Variants in PRSS23 observed in about 807,000 individuals in gnomAD.
PRSS23 encodes protease, serine 23.
A neutral mutation model predicts 34.7 loss-of-function variants in PRSS23; 25 were observed. The observed-to-expected ratio is 0.72, with a 90% confidence interval of 0.53 to 1.01. The LOEUF (loss-of-function observed/expected upper bound fraction) is 1.01. Among genes scored for constraint, PRSS23 ranks in the 50% least tolerant of loss-of-function variants. The probability of loss-of-function intolerance (pLI) is 0.00; values close to 1 mark genes in which losing one functional copy is unlikely to be tolerated. For synonymous variants in PRSS23, 176 were observed against 186.6 expected, an observed-to-expected ratio of 0.94 and a Z score of 0.46; for missense variants, 445 against 475.6, an observed-to-expected ratio of 0.94 and a Z score of 0.60.
At chr11:86,826,169 G>A (rs1206167327) in intron 2 of PRSS23, among the ~76,000 whole-genome samples, 1 of 151,880 alleles carries the variant, frequency 6.6e-6, no homozygotes, top group Non-Finnish European at 1.5e-5. Context: ...GCAGTGGTTT[G>A]TAGTTCTCCT....
chr11:86,895,315 C>A (rs1001495989), intron 2 of PRSS23, among the ~76,000 whole-genome samples: 1 of 151,988 alleles, frequency 6.6e-6, no homozygotes, highest in African/African-American at 2.4e-5. Flanking sequence ...TCTGCTTTCA[C>A]CTTCACTAAA....
intron 1 of PRSS23, among the ~76,000 whole-genome samples, chr11:86,820,580 AC>A (rs1185195644): frequency 2.6e-5 from 4 of 152,242 alleles, no homozygotes; most frequent in Non-Finnish European, 4.4e-5. Flanking sequence ...TTTAAGTATT[AC>A]TAACGCTTTA....
At chr11:86,814,315 C>T (rs1298765509), downstream of PRSS23, among the ~76,000 whole-genome samples, 1 of 151,508 alleles carries the variant, frequency 6.6e-6, no homozygotes, top group African/African-American at 2.4e-5. Context: ...GGACAGAGTC[C>T]CAGTCCACCA....
chr11:86,865,110 C>T (rs1948641293), intron 2 of PRSS23, among the ~76,000 whole-genome samples: 1 of 152,194 alleles, frequency 6.6e-6, no homozygotes, highest in Non-Finnish European at 1.5e-5. Flanking sequence ...AGGCATTATT[C>T]TGACTACCAC....
At chr11:86,912,344 A>G (rs117349887) in intron 2 of PRSS23, 5 of 152,198 alleles carry the variant, frequency 3.3e-5, no homozygotes, top group African/African-American at 1.2e-4. Flanking sequence ...AAGCTTTTAG[A>G]TATAATTTCT....
chr11:86,793,259 A>C (rs1947962564), intron 1 of PRSS23, among the ~76,000 whole-genome samples: 1 of 152,176 alleles, frequency 6.6e-6, no homozygotes, highest in African/African-American at 2.4e-5. Context: ...ATATTTAACT[A>C]CCTTTTTTTA....
intron 2 of PRSS23, among the ~76,000 whole-genome samples, chr11:86,840,588 C>G (rs1565362500): frequency 6.6e-6 from 1 of 152,186 alleles, no homozygotes; most frequent in Non-Finnish European, 1.5e-5. Flanking sequence ...AGGACTTGAA[C>G]TCACCTCTGG....
At chr11:86,875,620 C>G (rs1476150519) in intron 2 of PRSS23, among the ~76,000 whole-genome samples, 1 of 152,212 alleles carries the variant, frequency 6.6e-6, no homozygotes, top group Non-Finnish European at 1.5e-5. Context: ...TTTCTGCACT[C>G]TTTCTTGACT....
Position 86,870,057 on chromosome 11 carries a change from T to C in PRSS23, c.206+46464T>C, listed in dbSNP as rs147803880. Among the ~76,000 whole-genome samples the C allele has an allele frequency of 3.9e-5, 6 of 152,280 alleles. No homozygotes were observed. The East Asian group carries it at 1.2e-3, about 29-fold the overall frequency. On this transcript the variant is annotated intron_variant, in intron 2 of 2. Transcript: ENST00000533902. ...GTAAAGGGAAAAAATGAACAACCAG[T>C]GAATGACTCCGCCTGGCCTGGAAGA...
At chr11:86,852,293 G>A (rs1948536139) in intron 2 of PRSS23, among the ~76,000 whole-genome samples, 1 of 152,202 alleles carries the variant, frequency 6.6e-6, no homozygotes, top group South Asian at 2.1e-4. Context: ...TGGAGGCACA[G>A]ACTGAGTATT....
At chr11:86,912,595 T>A (rs1250067391) in intron 2 of PRSS23, among the ~76,000 whole-genome samples, 1 of 152,224 alleles carries the variant, frequency 6.6e-6, no homozygotes, top group Non-Finnish European at 1.5e-5. Flanking sequence ...TTTCTCATAT[T>A]GCATTTTTTG....
At chr11:86,914,042 T>TTA (rs1555081477) in intron 2 of PRSS23, among the ~76,000 whole-genome samples, 1 of 114,928 alleles carries the variant, frequency 8.7e-6, no homozygotes, top group African/African-American at 3.6e-5. Flanking sequence ...CCATCTCTAC[T>TTA]AAAAAAAAAA....
intron 2 of PRSS23, among the ~76,000 whole-genome samples, chr11:86,940,502 CCT>C (rs370467671): frequency 1.5e-4 from 23 of 152,302 alleles, no homozygotes; most frequent in African/African-American, 5.5e-4. Context: ...AACCGGTCTT[CCT>C]GTCTCCTGCT....
intron 2 of PRSS23, among the ~76,000 whole-genome samples, chr11:86,896,073 G>C (rs188431399): frequency 3.3e-3 from 506 of 152,168 alleles, no homozygotes; most frequent in Non-Finnish European, 4.1e-3. Context: ...ATTTTGAAAT[G>C]GGGGTCTTTT....
exon 2 of PRSS23, chr11:86,823,434 C>T (rs1359359113): frequency 8.5e-6 from 6 of 702,308 alleles, no homozygotes; most frequent in South Asian, 1.5e-5. Context: ...AGTCCTCATG[C>T]CCCCACAACT....
chr11:86,873,235 T>TATAC lies in PRSS23; in HGVS notation c.206+49643_206+49644insTACA, dbSNP rs368142419. 3.3e-4 allele frequency among the ~76,000 whole-genome samples: 45 copies of TATAC among 135,458 alleles called. No homozygotes were observed. The East Asian group carries it at 7.7e-3, about 23-fold the overall frequency. 88.9% of individuals were successfully genotyped at this position (135,458 alleles called of 152,430 possible). A position where few individuals can be genotyped will look rare whatever the true frequency, so the allele number is the denominator to read the frequency against. On this transcript the variant is annotated intron_variant, in intron 2 of 2. Transcript: ENST00000533902. Reference sequence around the variant, plus strand: ...ACACACAGATATATGTATATATATATACACACACACACATATATATGTATA... The same window carrying TATAC: ...ACACACAGATATATGTATATATATATATACACACACACACACATATATATGTATA...
chr11:86,797,683 G>A (rs1947990132), upstream of PRSS23, among the ~76,000 whole-genome samples: 1 of 152,186 alleles, frequency 6.6e-6, no homozygotes, highest in Non-Finnish European at 1.5e-5. Context: ...GAATGTCAAA[G>A]CTGACTGAGG....
At chr11:86,893,025 G>T (rs567324479) in intron 2 of PRSS23, among the ~76,000 whole-genome samples, 85 of 152,322 alleles carry the variant, frequency 5.6e-4, no homozygotes, top group African/African-American at 1.8e-3. Flanking sequence ...ATCACAATGG[G>T]TTAGAGTGGG....
intron 2 of PRSS23, among the ~76,000 whole-genome samples, chr11:86,917,096 GAT>G: frequency 6.6e-6 from 1 of 152,208 alleles, no homozygotes; most frequent in African/African-American, 2.4e-5. Flanking sequence ...AAGGCGGGCA[GAT>G]CACGTGAGGT....
Sources: allele counts gnomAD v4.1 joint callset (sites outside exome capture counted in the v4.1 genomes callset), GRCh38; gene constraint gnomAD v4.1.1; transcripts MANE v1.5; gene names NCBI Gene and HGNC (gene_info 2026-07-23, HGNC 2026-07-21).